Variants in NEO1 observed in about 807,000 individuals in gnomAD.
NEO1 encodes the protein neogenin.
Under a neutral mutation model 159.7 loss-of-function variants are expected in NEO1, and 63 were observed. The observed-to-expected ratio is 0.39, with a 90% confidence interval of 0.32 to 0.49. NEO1 has a LOEUF of 0.49. Ranked by LOEUF, NEO1 falls within the 20% of genes least tolerant of loss-of-function variation. NEO1 has a pLI of 0.85. For missense variants in NEO1, 1,615 were observed against 1,831.0 expected, an observed-to-expected ratio of 0.88 and a Z score of 2.15; for synonymous variants, 633 against 662.0, an observed-to-expected ratio of 0.96 and a Z score of 0.67.
At chr15:73,222,705 AAATT>A (rs1256597260) in intron 7 of NEO1, among the ~76,000 whole-genome samples, 11 of 152,156 alleles carry the variant, frequency 7.2e-5, no homozygotes, top group Non-Finnish European at 1.6e-4. Flanking sequence ...AACCATAAAT[AAATT>A]GTTCTTTGAT....
chr15:73,149,284 C>T (rs2033179142), intron 5 of NEO1, among the ~76,000 whole-genome samples: 2 of 151,042 alleles, frequency 1.3e-5, no homozygotes, highest in South Asian at 4.2e-4. Flanking sequence ...CATTGCACTC[C>T]AGCCTGGCGA....
chr15:73,135,801 G>A (rs993869257), intron 4 of NEO1, 90 bp from the exon 5 acceptor site: 15 of 1,138,668 alleles, frequency 1.3e-5, no homozygotes, highest in South Asian at 9.0e-5. Flanking sequence ...TACTCTTTAA[G>A]TGTTTTCTCT....
chr15:73,099,627 T>C (rs2070286901), intron 1 of NEO1, among the ~76,000 whole-genome samples: 2 of 152,246 alleles, frequency 1.3e-5, no homozygotes, highest in African/African-American at 4.8e-5. Flanking sequence ...GTAAAGCTGC[T>C]GACAGCAGAA....
intron 5 of NEO1, among the ~76,000 whole-genome samples, chr15:73,136,381 A>AGTGGTG (rs763447349): frequency 6.6e-6 from 1 of 151,734 alleles, no homozygotes; most frequent in African/African-American, 2.4e-5. Flanking sequence ...TACTATTTGT[A>AGTGGTG]GTGGTGGTGG....
At chr15:73,055,122 TGGAATTGAGTA>T (rs1351817117) in intron 1 of NEO1, among the ~76,000 whole-genome samples, 1 of 152,088 alleles carries the variant, frequency 6.6e-6, no homozygotes, top group African/African-American at 2.4e-5. Flanking sequence ...GGAGGAGGGT[TGGAATTGAGTA>T]GGAACATAAT....
At chr15:73,066,273 C>T (rs2068217595) in intron 1 of NEO1, among the ~76,000 whole-genome samples, 1 of 150,396 alleles carries the variant, frequency 6.6e-6, no homozygotes, top group Non-Finnish European at 1.5e-5. Context: ...CCCACCTCGG[C>T]CTCCCAAAGT....
intron 1 of NEO1, among the ~76,000 whole-genome samples, chr15:73,100,631 A>G (rs1401041494): frequency 2.0e-5 from 3 of 152,090 alleles, no homozygotes; most frequent in Non-Finnish European, 4.4e-5. Context: ...CACTGCACCC[A>G]GCCACTTTGA....
intron 7 of NEO1, among the ~76,000 whole-genome samples, chr15:73,210,684 C>T (rs560511916): frequency 1.2e-4 from 18 of 152,250 alleles, no homozygotes; most frequent in African/African-American, 3.9e-4. Flanking sequence ...ATATTATATA[C>T]TTAGAAACAT....
chr15:73,187,466 A>T (rs538173013), intron 7 of NEO1, among the ~76,000 whole-genome samples: 3 of 152,194 alleles, frequency 2.0e-5, no homozygotes, highest in African/African-American at 7.2e-5. Context: ...ATGAGAAATA[A>T]CTTAGAATCA....
At chr15:73,086,106 G>A (rs1457605747) in intron 1 of NEO1, among the ~76,000 whole-genome samples, 2 of 152,132 alleles carry the variant, frequency 1.3e-5, no homozygotes, top group African/African-American at 4.8e-5. Flanking sequence ...TCCATATTGA[G>A]TTAATTTTTA....
intron 8 of NEO1, among the ~76,000 whole-genome samples, chr15:73,238,383 C>T (rs1343466497): frequency 1.4e-5 from 2 of 144,446 alleles, no homozygotes; most frequent in Non-Finnish European, 3.0e-5. Context: ...TTCTCCAGCA[C>T]CTGGAACAGA....
At chr15:73,225,905 A>T (rs2038558081) in intron 7 of NEO1, among the ~76,000 whole-genome samples, 1 of 152,064 alleles carries the variant, frequency 6.6e-6, no homozygotes, top group Non-Finnish European at 1.5e-5. Flanking sequence ...CTCCCAAAGG[A>T]TCCCTGTGGT....
chr15:73,261,007 C>T (rs1019980421), intron 15 of NEO1, among the ~76,000 whole-genome samples: 3 of 152,088 alleles, frequency 2.0e-5, no homozygotes, highest in African/African-American at 7.2e-5. Context: ...TCCATATTTC[C>T]TCTACACGTG....
At chr15:73,095,415 G>C (rs533152334) in intron 1 of NEO1, among the ~76,000 whole-genome samples, 96 of 152,268 alleles carry the variant, frequency 6.3e-4, no homozygotes, top group African/African-American at 2.2e-3. Flanking sequence ...GAAAATATTT[G>C]CTGACTTCTG....
intron 1 of NEO1, among the ~76,000 whole-genome samples, chr15:73,083,902 GC>G (rs1316002136): frequency 1.3e-5 from 2 of 152,094 alleles, no homozygotes; most frequent in African/African-American, 4.8e-5. Flanking sequence ...GGATCCTCCT[GC>G]CTTAGCTTCC....
chr15:73,220,408 G>T (rs1172024708), intron 7 of NEO1, among the ~76,000 whole-genome samples: 1 of 151,970 alleles, frequency 6.6e-6, no homozygotes, highest in Non-Finnish European at 1.5e-5. Context: ...TATGTGTCTT[G>T]GAGTTGCTCT....
At chr15:73,065,871 A>G (rs2068188741) in intron 1 of NEO1, among the ~76,000 whole-genome samples, 2 of 152,118 alleles carry the variant, frequency 1.3e-5, no homozygotes, top group Non-Finnish European at 2.9e-5. Flanking sequence ...CAGAAAAACT[A>G]TAGATTTGTA....
intron 1 of NEO1, among the ~76,000 whole-genome samples, chr15:73,080,048 T>C (rs1217689628): frequency 6.6e-6 from 1 of 152,210 alleles, no homozygotes; most frequent in African/African-American, 2.4e-5. Context: ...GAAGTTAGGT[T>C]ATGTAAATAA....
intron 21 of NEO1, 45 bp downstream of exon 21, chr15:73,274,769 C>T (rs777410812): frequency 5.2e-6 from 8 of 1,544,900 alleles, no homozygotes; most frequent in Non-Finnish European, 6.2e-6. Context: ...TCTTTTGTGA[C>T]CTATTATTAG....
Sources: allele counts gnomAD v4.1 joint callset (sites outside exome capture counted in the v4.1 genomes callset), GRCh38; gene constraint gnomAD v4.1.1; transcripts MANE v1.5; gene names NCBI Gene and HGNC (gene_info 2026-07-23, HGNC 2026-07-21).